Variants in CABLES1 observed in about 807,000 individuals in gnomAD.
The protein encoded by CABLES1 is CDK5 and ABL1 enzyme substrate 1.
In CABLES1, 36 loss-of-function variants were observed where a neutral mutation model predicts 57.8. The ratio of observed to expected loss-of-function variants is 0.62; its 90% CI spans 0.48 to 0.82. The LOEUF is 0.82. CABLES1 is among the 40% of genes least tolerant of loss of function. The pLI is 0.00. For missense variants in CABLES1, 767 were observed against 836.6 expected, an observed-to-expected ratio of 0.92 and a Z score of 1.03; for synonymous variants, 374 against 363.0, an observed-to-expected ratio of 1.03 and a Z score of -0.35.
At chr18:23,196,123 A>G (rs551172467) in intron 3 of CABLES1, among the ~76,000 whole-genome samples, 45 of 152,360 alleles carry the variant, frequency 3.0e-4, no homozygotes, top group African/African-American at 1.1e-3. Context: ...TCCAAAGAAC[A>G]TTACGGAGCC....
At chr18:23,246,124 T>C (rs1179761071) in intron 7 of CABLES1, among the ~76,000 whole-genome samples, 1 of 151,846 alleles carries the variant, frequency 6.6e-6, no homozygotes, top group Non-Finnish European at 1.5e-5. Flanking sequence ...ATTAGCCGGG[T>C]GTGGTGGTGC....
intron 7 of CABLES1, among the ~76,000 whole-genome samples, chr18:23,245,087 AC>A (rs770838482): frequency 2.4e-4 from 37 of 152,018 alleles, no homozygotes; most frequent in Non-Finnish European, 5.0e-4. Flanking sequence ...CTCCCGTTAT[AC>A]CCCAGCCCAC....
At chr18:23,145,453 G>A (rs1403027670) in intron 1 of CABLES1, among the ~76,000 whole-genome samples, 1 of 152,124 alleles carries the variant, frequency 6.6e-6, no homozygotes, top group Admixed American at 6.6e-5. Context: ...GCTATCAAAG[G>A]AAGCATGTTG....
At position 23,214,045 on chromosome 18, in the gene CABLES1, C is replaced by T; in HGVS notation, c.1079C>T (p.Thr360Ile). The T allele has an allele frequency of 6.2e-7, 1 of 1,611,430 alleles. No individual in the cohort carries two copies. The highest frequency in any genetic ancestry group is 8.5e-7 in the Non-Finnish European group (1 of 1,177,894). Residue 360 changes from threonine (T) to isoleucine (I), a missense_variant, in exon 4 of 10, where the codon ACC (threonine) becomes ATC (isoleucine). Transcript: ENST00000256925. ...TCAGTGCTGCCGTATCGCGACAGTA[C>T]CCAAGTCGGGTATGTATATGCATGC... Reference protein sequence around the residue: ...IFSVLPYRDSTQVGDLKLDGG... With the variant: ...IFSVLPYRDSIQVGDLKLDGG...
Position 23,222,941 on chromosome 18 carries a change from C to T in CABLES1, c.1088+8887C>T, listed in dbSNP as rs141222453. The stretch of plus-strand genomic sequence containing the variant: ...CAAGTGCTAAGCCCCAGCGAGGCCC[C>T]TCCCACCCACTAGCCAGGTGACTCC... On this transcript the variant is annotated intron_variant, in intron 4 of 9. Coordinates refer to ENST00000256925, the MANE Select transcript of CABLES1 (RefSeq NM_001100619.3). 2.7e-3 allele frequency among the ~76,000 whole-genome samples: 412 copies of T among 152,354 alleles called. 1 individual carries two copies. The highest frequency in any genetic ancestry group is 4.9e-3 in the Non-Finnish European group (335 of 68,030).
At chr18:23,203,013 T>C (rs1287467984) in intron 3 of CABLES1, among the ~76,000 whole-genome samples, 3 of 150,104 alleles carry the variant, frequency 2.0e-5, no homozygotes, top group South Asian at 2.1e-4. Context: ...CTGGAGACAC[T>C]CAGTGGCTTT....
intron 4 of CABLES1, among the ~76,000 whole-genome samples, chr18:23,224,678 C>T (rs2047514876): frequency 6.7e-6 from 1 of 149,584 alleles, no homozygotes; most frequent in East Asian, 2.0e-4. Flanking sequence ...ACGCCATTCT[C>T]CTGCCACAGC....
intron 1 of CABLES1, among the ~76,000 whole-genome samples, chr18:23,147,767 C>T (rs1257322290): frequency 6.6e-6 from 1 of 152,116 alleles, no homozygotes; most frequent in East Asian, 1.9e-4. Context: ...ACCTTTAGAG[C>T]AATGAGGCTG....
At chr18:23,134,903 GA>G (rs1485617649), upstream of CABLES1, among the ~76,000 whole-genome samples, 2 of 152,146 alleles carry the variant, frequency 1.3e-5, no homozygotes, top group Non-Finnish European at 2.9e-5. Context: ...GGAATGAATA[GA>G]CCCAACTGCA....
chr18:23,200,267 AT>A (rs139660615), intron 3 of CABLES1, among the ~76,000 whole-genome samples: 53 of 147,360 alleles, frequency 3.6e-4, no homozygotes, highest in Admixed American at 4.7e-4. Flanking sequence ...GAGAGGGTAG[AT>A]TTTTTTTTTT....
rs541045368 is a variant in CABLES1, at chr18:23,209,282, G to A, written c.1011-4695G>A. Among the ~76,000 whole-genome samples, 5 of 152,314 alleles carry A rather than the reference G, an allele frequency of 3.3e-5. 1 individual carries two copies. In the South Asian group the frequency reaches 6.2e-4, roughly 19 times the overall value. On this transcript the variant is annotated intron_variant, in intron 3 of 9. Coordinates refer to ENST00000256925, the MANE Select transcript of CABLES1 (RefSeq NM_001100619.3). ...AGGAAAAAACATAGTACATACAGGC[G>A]TCAGTGCTATCCGTGGTTTCAGACA...
At chr18:23,234,499 C>A in intron 4 of CABLES1, 109 bp from the exon 5 acceptor site, 1 of 824,022 alleles carries the variant, frequency 1.2e-6, no homozygotes, top group Non-Finnish European at 2.0e-6. Context: ...CCAGGGCTCA[C>A]CTGGTCATTT....
Position 23,253,919 on chromosome 18 carries a change from G to C in CABLES1, c.1744G>C (p.Val582Leu). The change falls in exon 9 of 10, where the codon GTC becomes CTC. Residue 582 changes from valine (V) to leucine (L), a missense_variant. By Grantham distance (32) the Val-to-Leu change is conservative. Coordinates refer to ENST00000256925, the MANE Select transcript of CABLES1 (RefSeq NM_001100619.3). ...TGGAAGTGACCTCAAAAAACACGAA[G>C]TCAAGCATTTAATTGACGTAAGTAG... ...KIGSDLKKHE[V>L]KHLIDKLEEK... 1 of 1,614,144 alleles carries C rather than the reference G, an allele frequency of 6.2e-7. No homozygotes were observed. The highest frequency in any genetic ancestry group is 1.6e-4 in the Middle Eastern group (1 of 6,062).
intron 1 of CABLES1, among the ~76,000 whole-genome samples, chr18:23,143,068 T>C (rs2144950363): frequency 6.6e-6 from 1 of 152,308 alleles, no homozygotes; most frequent in Admixed American, 6.5e-5. Flanking sequence ...GTCAGGCTCA[T>C]GCATGCTTGT....
At chr18:23,220,660 T>C (rs1265549501) in intron 4 of CABLES1, among the ~76,000 whole-genome samples, 1 of 152,126 alleles carries the variant, frequency 6.6e-6, no homozygotes, top group Non-Finnish European at 1.5e-5. Flanking sequence ...TTGGTGAAGA[T>C]GGAGCTCGGA....
At chr18:23,152,535 A>G (rs1400613589) in intron 1 of CABLES1, among the ~76,000 whole-genome samples, 1 of 144,262 alleles carries the variant, frequency 6.9e-6, no homozygotes, top group Admixed American at 7.1e-5. Context: ...CCCAGGCTAG[A>G]GTGCAGTGGC....
chr18:23,249,338 G>A (rs1307199093), intron 7 of CABLES1, among the ~76,000 whole-genome samples: 3 of 152,238 alleles, frequency 2.0e-5, no homozygotes, highest in Non-Finnish European at 4.4e-5. Context: ...CGAGTCCTGG[G>A]GAGAAGCAGC....
intron 1 of CABLES1, among the ~76,000 whole-genome samples, chr18:23,173,674 C>T (rs189284046): frequency 3.0e-4 from 46 of 152,272 alleles, no homozygotes; most frequent in African/African-American, 1.1e-3. Context: ...TTTAAAGTTA[C>T]TATTTTGGCT....
intron 1 of CABLES1, among the ~76,000 whole-genome samples, chr18:23,151,173 C>G (rs1250497951): frequency 6.6e-6 from 1 of 152,062 alleles, no homozygotes; most frequent in East Asian, 1.9e-4. Context: ...CACCCGCCAC[C>G]ACGCCCGGCT....
Sources: allele counts gnomAD v4.1 joint callset (sites outside exome capture counted in the v4.1 genomes callset), GRCh38; gene constraint gnomAD v4.1.1; transcripts MANE v1.5; gene names NCBI Gene and HGNC (gene_info 2026-07-23, HGNC 2026-07-21).